The following KMT5C variants were observed in gnomAD, a reference collection of about 807,000 sequenced individuals.
The protein encoded by KMT5C is lysine methyltransferase 5C, also known as histone-lysine N-methyltransferase KMT5C.
In KMT5C, 16 loss-of-function variants were observed where a neutral mutation model predicts 38.2. That is an observed-to-expected ratio of 0.42 (90% CI 0.28 to 0.64). The LOEUF is 0.64. Ranked by LOEUF, KMT5C falls within the 30% of genes least tolerant of loss-of-function variation. KMT5C has a pLI of 0.23. For synonymous variants in KMT5C, 291 were observed against 279.0 expected (o/e 1.04, Z -0.43); for missense variants, 598 against 665.1 (o/e 0.90, Z 1.11).
At chr19:55,344,846 G>T (rs995525049) in intron 6 of KMT5C, 2 of 483,524 alleles carry the variant, frequency 4.1e-6, no homozygotes, top group Non-Finnish European at 8.5e-6. Context: ...GGGGCACCCC[G>T]GGAGGCATGA....
chr19:55,345,274 G>A (rs1285623649), intron 6 of KMT5C: 1 of 355,316 alleles, frequency 2.8e-6, no homozygotes, highest in Non-Finnish European at 5.6e-6. Flanking sequence ...CAGAGGGCTG[G>A]GGGTGCCCAG....
intron 1 of KMT5C, among the ~76,000 whole-genome samples, chr19:55,340,848 C>A (rs532400040): frequency 1.2e-3 from 188 of 152,060 alleles, no homozygotes; most frequent in African/African-American, 4.4e-3. Flanking sequence ...CCACAGCCCC[C>A]TGCCGTGCCC....
chr19:55,340,371 C>T (rs2089543550), intron 1 of KMT5C, among the ~76,000 whole-genome samples: 1 of 151,774 alleles, frequency 6.6e-6, no homozygotes, highest in Non-Finnish European at 1.5e-5. Context: ...CCTGCACTCC[C>T]AGGGCCAATC....
chr19:55,343,789 A>G lies in KMT5C; in HGVS notation c.496A>G (p.Thr166Ala). Reference sequence around the variant, plus strand: ...GAATGACTTCAGCATCATGTACTCAACCCGCAAGCGGAGTGCTCAGCTGTG... The same window carrying G: ...GAATGACTTCAGCATCATGTACTCAGCCCGCAAGCGGAGTGCTCAGCTGTG... ...GENDFSIMYS[T>A]RKRSAQLWLG... is the part of the protein sequence containing the mutation. The change falls in exon 5 of 9, where the codon ACC (threonine) becomes GCC (alanine). Residue 166 changes from threonine to alanine, a missense_variant. Physicochemically the swap from Thr to Ala is moderately conservative, Grantham distance 58. This residue lies in a region of KMT5C where 105 missense variants were observed against 179.2 expected (regional missense o/e 0.59). Transcript: ENST00000255613. The surrounding 1 kb of genome is among the most constrained non-coding windows in gnomAD (Gnocchi z 5.5). 1 of 1,613,056 alleles carries G rather than the reference A, an allele frequency of 6.2e-7. No homozygotes were observed. Among genetic ancestry groups the G allele is most frequent in the Non-Finnish European group, 8.5e-7 (1 of 1,179,630 alleles).
At chr19:55,341,741 A>C in intron 1 of KMT5C, 53 bp from the exon 2 acceptor site, 1 of 593,844 alleles carries the variant, frequency 1.7e-6, no homozygotes, top group Admixed American at 3.0e-5. Context: ...GTTGCATTCC[A>C]TCTTCGCCAG....
chr19:55,340,250 C>T (rs1416032134), intron 1 of KMT5C, among the ~76,000 whole-genome samples: 1 of 151,384 alleles, frequency 6.6e-6, no homozygotes, highest in African/African-American at 2.4e-5. Context: ...TCTCCCTGCA[C>T]CCCCCAGGGC....
chr19:55,343,799 G>A lies in KMT5C; in HGVS notation c.506G>A (p.Arg169Gln), dbSNP rs202234647. Residue 169 changes from arginine (R) to glutamine (Q), a missense_variant, in exon 5 of 9, where the codon CGG becomes CAG. This residue lies in a region of KMT5C where 105 missense variants were observed against 179.2 expected (regional missense o/e 0.59). Coordinates refer to ENST00000255613, the MANE Select transcript of KMT5C (RefSeq NM_032701.4). This position sits in a 1 kb window ranked among gnomAD's most constrained non-coding sequence, Gnocchi z 5.5. ...AGCATCATGTACTCAACCCGCAAGCGGAGTGCTCAGCTGTGGCTGGGCCCA... is the reference window on the plus strand; with the variant it reads ...AGCATCATGTACTCAACCCGCAAGCAGAGTGCTCAGCTGTGGCTGGGCCCA... ...DFSIMYSTRK[R>Q]SAQLWLGPAA... 1.4e-4 allele frequency: 230 copies of A among 1,613,562 alleles called. No individual in the cohort carries two copies. Among genetic ancestry groups the A allele is most frequent in the Non-Finnish European group, 1.8e-4 (209 of 1,179,838 alleles).
In KMT5C at chr19:55,343,519, G is replaced by C; in HGVS notation, c.387-161G>C. The C allele has an allele frequency of 1.4e-6, 1 of 693,058 alleles. No individual in the cohort carries two copies. The highest frequency in any genetic ancestry group is 1.9e-5 in the South Asian group (1 of 53,432). The allele number at this position is 693,058 out of a possible 1,614,324, so 42.9% of individuals were successfully genotyped here. A position where few individuals can be genotyped will look rare whatever the true frequency, so the allele number is the denominator to read the frequency against. On this transcript the variant is annotated intron_variant, in intron 4 of 8. Coordinates refer to ENST00000255613, the MANE Select transcript of KMT5C (RefSeq NM_032701.4). The surrounding 1 kb of genome is among the most constrained non-coding windows in gnomAD (Gnocchi z 5.5). ...TGGAGCAGGGAAGCCCACCCAGGCA[G>C]GAGGGGAAGAGGGAGATCTGGAAGA...
At position 55,346,634 on chromosome 19, in the gene KMT5C, T is replaced by A. The variant is rs2031996554; in HGVS notation, c.842T>A (p.Leu281Gln). Residue 281 changes from leucine to glutamine, a missense_variant, in exon 8 of 9, where the codon CTG becomes CAG. Transcript: ENST00000255613. The stretch of plus-strand genomic sequence containing the variant: ...GACAGTGGCAGCCGACAGGGCCTGC[T>A]GGGCCCTCGGGCCTGCGTGCACCCA... ...GLDSGSRQGL[L>Q]GPRACVHPSP... 6.4e-7 allele frequency: 1 copy of A among 1,573,370 alleles called. No homozygotes were observed. Among genetic ancestry groups the A allele is most frequent in the African/African-American group, 1.3e-5 (1 of 74,098 alleles).
At chr19:55,345,838 A>G (rs1161602440) in intron 6 of KMT5C, among the ~76,000 whole-genome samples, 1 of 152,158 alleles carries the variant, frequency 6.6e-6, no homozygotes, top group Non-Finnish European at 1.5e-5. Context: ...CTGCCAAGGC[A>G]CAGTCTGGCG....
At chr19:55,346,126 C>T (rs574491390) in intron 6 of KMT5C, 87 bp from the exon 7 acceptor site, 121 of 1,547,146 alleles carry the variant, frequency 7.8e-5, no homozygotes, top group Admixed American at 3.9e-4. Context: ...GAGGACGCTC[C>T]GGGCCAGGGT....
rs758407932 is a variant in KMT5C at position 55,341,902 on chromosome 19, C to T, written c.-35C>T. 8.9e-6 allele frequency: 14 copies of T among 1,565,210 alleles called. No homozygotes were observed. In the African/African-American group the frequency reaches 1.6e-4, roughly 18 times the overall value. ...CCTGCCTTGCCCTCACCTGCTCCTG[C>T]TCTCTGCCAGAGGCAGCATGGTCCG... On this transcript the variant is annotated 5_prime_UTR_variant, in exon 2 of 9. Coordinates refer to ENST00000255613, the MANE Select transcript of KMT5C (RefSeq NM_032701.4).
Position 55,343,119 on chromosome 19 carries a change from C to T in KMT5C, c.386+268C>T. 1.4e-5 allele frequency: 6 copies of T among 418,724 alleles called. No individual in the cohort carries two copies. The highest frequency in any genetic ancestry group is 2.7e-5 in the Non-Finnish European group (6 of 225,152). The allele number at this position is 418,724 out of a possible 1,614,324, so 25.9% of individuals were successfully genotyped here. On this transcript the variant is annotated intron_variant, in intron 4 of 8. Transcript: ENST00000255613. The surrounding 1 kb of genome is among the most constrained non-coding windows in gnomAD (Gnocchi z 5.5). The stretch of plus-strand genomic sequence containing the variant: ...CTGGTCAGGGCCGTGCTGTCCTTAC[C>T]TCCTTGTGACCTGAGCCCCCACCAC...
At position 55,342,338 on chromosome 19, in the gene KMT5C, C is replaced by T. The variant is rs2123189614; in HGVS notation, c.234C>T (p.Phe78=). 2 of 1,557,758 alleles carry T rather than the reference C, an allele frequency of 1.3e-6. 1 individual carries two copies. Among genetic ancestry groups the T allele is most frequent in the South Asian group, 2.4e-5 (2 of 84,726 alleles). ...LTLGGWTARY[F]QSRGPRQEAA... is the part of the protein sequence containing the mutation. ...TGGGAGGCTGGACGGCCCGCTACTT[C>T]CAGAGCCGGGGCCCGCGGCAGGAGG... is the stretch of plus-strand genomic sequence containing the variant. The change falls in exon 3 of 9, where the codon TTC becomes TTT. Residue 78 remains phenylalanine (F), a synonymous_variant. Transcript: ENST00000255613.
In KMT5C at chr19:55,347,329, A is replaced by C. The variant is rs764674730; in HGVS notation, c.1269A>C (p.Pro423=). Residue 423 remains proline (P), a synonymous_variant, in exon 9 of 9, where the codon CCA becomes CCC. Coordinates refer to ENST00000255613, the MANE Select transcript of KMT5C (RefSeq NM_032701.4). This position sits in a 1 kb window ranked among gnomAD's most constrained non-coding sequence, Gnocchi z 4.6. The part of the protein sequence containing the change: ...PPATPAPAGT[P]GPILIPKQAL... ...CTACCCCAGCCCCTGCTGGGACCCC[A>C]GGCCCCATCCTGATCCCGAAGCAGG... 1 of 1,575,572 alleles carries C rather than the reference A, an allele frequency of 6.3e-7. No individual in the cohort carries two copies. Among genetic ancestry groups the C allele is most frequent in the African/African-American group, 1.3e-5 (1 of 74,314 alleles).
At position 55,346,526 on chromosome 19, in the gene KMT5C, G is replaced by C; in HGVS notation, c.734G>C (p.Arg245Thr). The change falls in exon 8 of 9, where the codon AGG (arginine) becomes ACG (threonine). Residue 245 changes from arginine (R) to threonine (T), a missense_variant. Physicochemically the swap from Arg to Thr is moderately conservative, Grantham distance 71. Around this residue, in one of 3 missense-constraint regions of KMT5C, gnomAD observed 105 missense variants for 179.2 expected, o/e 0.59. Coordinates refer to ENST00000255613, the MANE Select transcript of KMT5C (RefSeq NM_032701.4). ...ERKGEGAFRT[R>T]PREPALPPRP... The stretch of plus-strand genomic sequence containing the variant: ...AAAGGTGAAGGAGCTTTCCGAACCA[G>C]GCCTAGGGAGCCCGCGTTGCCACCA... The C allele has an allele frequency of 6.3e-7, 1 of 1,597,628 alleles. No homozygotes were observed. Among genetic ancestry groups the C allele is most frequent in the South Asian group, 1.1e-5 (1 of 88,540 alleles).
In KMT5C at chr19:55,342,261, G is replaced by T; in HGVS notation, c.157G>T (p.Glu53Ter). The T allele has an allele frequency of 6.2e-7, 1 of 1,608,810 alleles. No individual in the cohort carries two copies. Among genetic ancestry groups the T allele is most frequent in the East Asian group, 2.2e-5 (1 of 44,664 alleles). Residue 53 changes from glutamate (E) to a stop codon, truncating the protein, a stop_gained, in exon 3 of 9, where the codon GAA (glutamate) becomes TAA (stop). Coordinates refer to ENST00000255613, the MANE Select transcript of KMT5C (RefSeq NM_032701.4). LOFTEE classifies it high-confidence loss of function. ...ACAGCAGCACCTGCGCTCAGCGCTG[G>T]AAACTTTCCTGAGGCAGCGGGACCT... ...RRQQHLRSAL[E>*]TFLRQRDLEA...
At chr19:55,344,100 C>A in intron 6 of KMT5C, 103 bp downstream of exon 6, 1 of 1,301,958 alleles carries the variant, frequency 7.7e-7, no homozygotes, top group Non-Finnish European at 1.1e-6. Context: ...ACCGGCCGGG[C>A]GCGGTGGCTC....
rs750916330 is a variant in KMT5C at position 55,342,771 on chromosome 19, G to T, written c.306G>T (p.Pro102=). The stretch of plus-strand genomic sequence containing the variant: ...ATCGCTACCTCCGTGCCTTCCTGCC[G>T]GAAAGTGGCTTTACCATCCTGCCCT... ...HVYRYLRAFL[P]ESGFTILPCT... Residue 102 remains proline, a synonymous_variant, in exon 4 of 9, where the codon CCG becomes CCT. Transcript: ENST00000255613. The T allele has an allele frequency of 6.2e-6, 10 of 1,612,572 alleles. No individual in the cohort carries two copies. Among genetic ancestry groups the T allele is most frequent in the Non-Finnish European group, 8.5e-6 (10 of 1,178,840 alleles).
Sources: allele counts gnomAD v4.1 joint callset (sites outside exome capture counted in the v4.1 genomes callset), GRCh38; gene constraint gnomAD v4.1.1; regional missense constraint gnomAD v4.1.1; non-coding constraint Gnocchi (gnomAD v3.1); transcripts MANE v1.5; gene names NCBI Gene and HGNC (gene_info 2026-07-23, HGNC 2026-07-21).